The following FAR1 variants were observed in gnomAD, a reference collection of about 807,000 sequenced individuals.
FAR1 encodes male sterility domain-containing protein 2.
FAR1 carries 22 observed loss-of-function variants against 61.1 expected under a neutral mutation model. The ratio of observed to expected loss-of-function variants is 0.36; its 90% confidence interval spans 0.26 to 0.51. The LOEUF is 0.51. Among genes scored for constraint, FAR1 ranks in the 20% least tolerant of loss-of-function variants. FAR1 has a pLI of 0.95. For missense variants in FAR1, 359 were observed against 626.9 expected, an observed-to-expected ratio of 0.57 and a Z score of 4.56; for synonymous variants, 206 against 209.7, an observed-to-expected ratio of 0.98 and a Z score of 0.15.
Position 13,721,812 on chromosome 11 carries a change from G to A in FAR1, c.1210G>A (p.Glu404Lys). 1.9e-6 allele frequency: 3 copies of A among 1,610,848 alleles called. No individual in the cohort carries two copies. The highest frequency in any genetic ancestry group is 2.5e-6 in the Non-Finnish European group (3 of 1,178,476). ...AAGTAATTCTTGGGTTTGGAATACT[G>A]AGAATGTCAATATGTTAATGAATCA... ...FTSNSWVWNT[E>K]NVNMLMNQLN... The change falls in exon 10 of 12, where the codon GAG becomes AAG. Residue 404 changes from glutamate to lysine, a missense_variant. Around this residue, in one of 2 missense-constraint regions of FAR1, gnomAD observed 344 missense variants for 570.3 expected, o/e 0.60. Coordinates refer to ENST00000354817, the MANE Select transcript of FAR1 (RefSeq NM_032228.6). This position sits in a 1 kb window ranked among gnomAD's most constrained non-coding sequence, Gnocchi z 4.2.
At chr11:13,689,377 T>C (rs556988848) in intron 1 of FAR1, among the ~76,000 whole-genome samples, 9 of 152,324 alleles carry the variant, frequency 5.9e-5, no homozygotes, top group Non-Finnish European at 1.2e-4. Flanking sequence ...GTTTGAACTT[T>C]ATATAAATGG....
intron 3 of FAR1, among the ~76,000 whole-genome samples, chr11:13,706,076 T>G (rs1334627820): frequency 6.7e-6 from 1 of 149,390 alleles, no homozygotes; most frequent in Non-Finnish European, 1.5e-5. Context: ...ACTGAAAACT[T>G]TTTTTAAAAA....
At chr11:13,701,018 T>A (rs1021869397) in intron 3 of FAR1, among the ~76,000 whole-genome samples, 1 of 152,062 alleles carries the variant, frequency 6.6e-6, no homozygotes, top group Non-Finnish European at 1.5e-5. Flanking sequence ...CTTTCAAGAT[T>A]CCTGTTGCAA....
intron 3 of FAR1, among the ~76,000 whole-genome samples, chr11:13,706,175 A>G (rs886803610): frequency 6.6e-6 from 1 of 152,038 alleles, no homozygotes; most frequent in East Asian, 1.9e-4. Flanking sequence ...TGTATTTCTA[A>G]TTTTTTCCAT....
chr11:13,701,182 A>G (rs747833770), intron 3 of FAR1, among the ~76,000 whole-genome samples: 8 of 152,098 alleles, frequency 5.3e-5, no homozygotes, highest in Non-Finnish European at 1.0e-4. Context: ...TCTCATGCCA[A>G]TTAAAATGGT....
chr11:13,724,699 A>G (rs1442952373), intron 10 of FAR1, among the ~76,000 whole-genome samples: 1 of 152,174 alleles, frequency 6.6e-6, no homozygotes, highest in Non-Finnish European at 1.5e-5. Flanking sequence ...AATCAAAAAT[A>G]TTGTTTGAAC....
chr11:13,723,396 A>T (rs765627975), intron 10 of FAR1: 25 of 415,578 alleles, frequency 6.0e-5, no homozygotes, highest in Non-Finnish European at 1.0e-4. Context: ...CCAAAAAAAA[A>T]CTTTTTTATT....
intron 9 of FAR1, chr11:13,719,842 C>T (rs1056698029): frequency 6.6e-6 from 1 of 152,076 alleles, no homozygotes; most frequent in African/African-American, 2.4e-5. Flanking sequence ...GGTTGAGAAA[C>T]CCTGGACTAG....
At chr11:13,690,461 A>G (rs943382806) in intron 1 of FAR1, among the ~76,000 whole-genome samples, 2 of 152,282 alleles carry the variant, frequency 1.3e-5, no homozygotes, top group Admixed American at 6.5e-5. Context: ...AAGTCATGGA[A>G]ATGGTCCTCC....
chr11:13,708,692 A>G (rs980635367), intron 4 of FAR1, among the ~76,000 whole-genome samples: 2 of 152,092 alleles, frequency 1.3e-5, no homozygotes, highest in African/African-American at 4.8e-5. Flanking sequence ...AGAAGTACCA[A>G]TGGAGACCCA....
chr11:13,709,302 C>A (rs1428510326), intron 4 of FAR1, among the ~76,000 whole-genome samples: 2 of 152,112 alleles, frequency 1.3e-5, no homozygotes, highest in East Asian at 3.8e-4. Context: ...TCCCTAATTT[C>A]TATTTTCTCA....
intron 1 of FAR1, among the ~76,000 whole-genome samples, chr11:13,670,714 GTTT>G (rs58418636): frequency 1.8e-4 from 25 of 136,690 alleles, no homozygotes; most frequent in Admixed American, 1.5e-4. Flanking sequence ...TAGCTTGAGG[GTTT>G]TTTTTTTTTT....
chr11:13,695,279 A>G (rs1429308943), intron 2 of FAR1, among the ~76,000 whole-genome samples: 2 of 152,228 alleles, frequency 1.3e-5, no homozygotes, highest in African/African-American at 4.8e-5. Context: ...TGATAATAAT[A>G]GTAATTAGGT....
intron 9 of FAR1, chr11:13,720,072 A>C (rs1011211577): frequency 6.6e-6 from 1 of 152,090 alleles, no homozygotes; most frequent in Non-Finnish European, 1.5e-5. Flanking sequence ...ATATTCTATA[A>C]ATTTCACACA....
chr11:13,700,239 TG>T, intron 2 of FAR1, 77 bp from the exon 3 acceptor site: 1 of 1,068,480 alleles, frequency 9.4e-7, no homozygotes, highest in Non-Finnish European at 1.4e-6. Context: ...TCATCCTTGG[TG>T]GGAAAAAAAT....
intron 1 of FAR1, among the ~76,000 whole-genome samples, chr11:13,679,448 C>T (rs1469338926): frequency 6.6e-6 from 1 of 152,096 alleles, no homozygotes; most frequent in Non-Finnish European, 1.5e-5. Flanking sequence ...ATTTCTCTAA[C>T]TTAACTAATT....
intron 1 of FAR1, chr11:13,685,736 A>G (rs531570844): frequency 1.3e-5 from 2 of 152,526 alleles, no homozygotes; most frequent in South Asian, 2.0e-4. Flanking sequence ...TAAAATTTCT[A>G]TACTGAGTTG....
chr11:13,728,107 T>C (rs1203778166), intron 11 of FAR1, among the ~76,000 whole-genome samples: 4 of 151,900 alleles, frequency 2.6e-5, no homozygotes, highest in Non-Finnish European at 5.9e-5. Context: ...TTATGTAACA[T>C]TATTACATCT....
intron 3 of FAR1, among the ~76,000 whole-genome samples, chr11:13,705,485 ATCC>A (rs1848422835): frequency 6.6e-6 from 1 of 152,206 alleles, no homozygotes; most frequent in Non-Finnish European, 1.5e-5. Flanking sequence ...CTCTGTCACC[ATCC>A]TCAGGGACAT....
Sources: allele counts gnomAD v4.1 joint callset (sites outside exome capture counted in the v4.1 genomes callset), GRCh38; gene constraint gnomAD v4.1.1; regional missense constraint gnomAD v4.1.1; non-coding constraint Gnocchi (gnomAD v3.1); transcripts MANE v1.5; gene names NCBI Gene and HGNC (gene_info 2026-07-23, HGNC 2026-07-21).